The following SLC2A9 variants were observed in gnomAD, a reference collection of about 807,000 sequenced individuals.
SLC2A9 encodes the protein solute carrier family 2 member 9.
Under a neutral mutation model 50.6 loss-of-function variants are expected in SLC2A9, and 39 were observed. The observed-to-expected ratio is 0.77, with a 90% confidence interval of 0.60 to 1.01. The LOEUF (loss-of-function observed/expected upper bound fraction) is 1.01, where lower values mean the gene tolerates loss of function less well. SLC2A9 is among the 50% of genes least tolerant of loss of function. The pLI is 0.00. For synonymous variants in SLC2A9, 324 were observed against 276.9 expected (o/e 1.17, Z -1.69); for missense variants, 686 against 677.6 (o/e 1.01, Z -0.14).
intron 9 of SLC2A9, among the ~76,000 whole-genome samples, chr4:9,888,822 C>T (rs1424113167): frequency 6.6e-6 from 1 of 152,152 alleles, no homozygotes; most frequent in African/African-American, 2.4e-5. Context: ...CCTCCTTCCC[C>T]TTGTTCTATG....
intron 3 of SLC2A9, among the ~76,000 whole-genome samples, chr4:9,987,763 G>T (rs1756986482): frequency 6.6e-6 from 1 of 152,046 alleles, no homozygotes; most frequent in East Asian, 1.9e-4. Context: ...AGGAGGCAGA[G>T]ATTGCAGTGA....
At chr4:9,909,654 T>C (rs534785779) in intron 7 of SLC2A9, among the ~76,000 whole-genome samples, 1 of 152,206 alleles carries the variant, frequency 6.6e-6, no homozygotes, top group Non-Finnish European at 1.5e-5. Flanking sequence ...TGGGTGAGAA[T>C]TGTCACTCTT....
chr4:10,001,567 T>C (rs781628713), intron 2 of SLC2A9, among the ~76,000 whole-genome samples: 10 of 152,198 alleles, frequency 6.6e-5, no homozygotes, highest in Non-Finnish European at 1.3e-4. Flanking sequence ...AAGTAATATA[T>C]TGCCTAGCTT....
intron 1 of SLC2A9, among the ~76,000 whole-genome samples, chr4:9,772,825 ATT>A (rs71179491): frequency 4.1e-5 from 6 of 147,802 alleles, no homozygotes; most frequent in African/African-American, 1.5e-4. Flanking sequence ...TTTTTTTTTT[ATT>A]TTTTTTTTAT....
In SLC2A9 at chr4:9,875,401, C is replaced by A. The variant is rs532608314; in HGVS notation, c.1291+12166G>T. On this transcript the variant is annotated intron_variant, in intron 10 of 11. Coordinates refer to ENST00000264784, the MANE Select transcript of SLC2A9 (RefSeq NM_020041.3). ...GTTAGCGTCTGTCTCAGATGGGATGCTGTGTCTTTAGAAATGTCTTCTTGT... is the reference window on the plus strand; with the variant it reads ...GTTAGCGTCTGTCTCAGATGGGATGATGTGTCTTTAGAAATGTCTTCTTGT... Among the ~76,000 whole-genome samples, 12 of 152,358 alleles carry A rather than the reference C, an allele frequency of 7.9e-5. No individual in the cohort carries two copies. The South Asian group carries it at 2.5e-3, about 32-fold the overall frequency.
intron 1 of SLC2A9, among the ~76,000 whole-genome samples, chr4:10,032,063 T>C (rs1254206977): frequency 6.6e-6 from 1 of 152,238 alleles, no homozygotes; most frequent in Non-Finnish European, 1.5e-5. Flanking sequence ...AGGCCCACCC[T>C]ATTCTAGGCA....
chr4:9,807,329 T>C (rs1286241002), intron 3 of SLC2A9, among the ~76,000 whole-genome samples: 1 of 152,172 alleles, frequency 6.6e-6, no homozygotes, highest in African/African-American at 2.4e-5. Context: ...TTCTTCCTTG[T>C]TTATCTCATA....
At chr4:10,034,296 T>C (rs1764029092) in intron 1 of SLC2A9, 1 of 152,296 alleles carries the variant, frequency 6.6e-6, no homozygotes, top group Non-Finnish European at 1.5e-5. Flanking sequence ...AAGGAGCTGA[T>C]GGACACAGAG....
At position 10,011,178 on chromosome 4, in the gene SLC2A9, G is replaced by A. The variant is rs114726622; in HGVS notation, c.249+7797C>T. On this transcript the variant is annotated intron_variant, in intron 2 of 11. Coordinates refer to ENST00000264784, the MANE Select transcript of SLC2A9 (RefSeq NM_020041.3). ...AGACCTTGCATTTCTTTAGAACATT[G>A]CTTCCAGAATCTTCCTGTAGGCTCT... Among the ~76,000 whole-genome samples the A allele has an allele frequency of 4.1e-3, 629 of 152,280 alleles. 5 individuals are homozygous for A. The highest frequency in any genetic ancestry group is 0.015 in the African/African-American group (607 of 41,550).
Position 10,019,021 on chromosome 4 carries a change from G to C in SLC2A9, c.203C>G (p.Ser68Cys), listed in dbSNP as rs1289909433. Reference sequence around the variant, plus strand: ...CGACAGGTTGTAGCCGTAGAGGAAGGAGGAGCCGAAGGCGCCCGCGAGGGA... The same window carrying C: ...CGACAGGTTGTAGCCGTAGAGGAAGCAGGAGCCGAAGGCGCCCGCGAGGGA... Reference protein sequence around the residue: ...VASLAGAFGSSFLYGYNLSVV... With the variant: ...VASLAGAFGSCFLYGYNLSVV... The change falls in exon 2 of 12, where the codon TCC (serine) becomes TGC (cysteine). Residue 68 changes from serine to cysteine, a missense_variant. By Grantham distance (112) the Ser-to-Cys change is moderately radical. Coordinates refer to ENST00000264784, the MANE Select transcript of SLC2A9 (RefSeq NM_020041.3). 1 of 1,550,826 alleles carries C rather than the reference G, an allele frequency of 6.4e-7. No individual in the cohort carries two copies. Among genetic ancestry groups the C allele is most frequent in the Non-Finnish European group, 8.7e-7 (1 of 1,147,000 alleles).
At chr4:9,829,784 A>G (rs1235064575) in intron 11 of SLC2A9, among the ~76,000 whole-genome samples, 1 of 152,254 alleles carries the variant, frequency 6.6e-6, no homozygotes, top group African/African-American at 2.4e-5. Flanking sequence ...ACTGATCATT[A>G]GAGAAAGGCA....
At position 10,026,519 on chromosome 4, in the gene SLC2A9, C is replaced by T. The variant is rs188664965; in HGVS notation, c.-40-513G>A. On this transcript the variant is annotated intron_variant, in intron 1 of 12. Coordinates refer to the SLC2A9 transcript ENST00000309065. ...GCAATTCCACCACCACATCGATGCCCAAGAGGACTGAAAGCAGCTGCTCAA... is the reference window on the plus strand; with the variant it reads ...GCAATTCCACCACCACATCGATGCCTAAGAGGACTGAAAGCAGCTGCTCAA... Among the ~76,000 whole-genome samples the T allele has an allele frequency of 5.9e-5, 9 of 152,212 alleles. No homozygotes were observed. The East Asian group carries it at 1.7e-3, about 29-fold the overall frequency.
At chr4:9,968,800 T>G (rs1336408078) in intron 5 of SLC2A9, among the ~76,000 whole-genome samples, 1 of 152,202 alleles carries the variant, frequency 6.6e-6, no homozygotes, top group Non-Finnish European at 1.5e-5. Flanking sequence ...ACAAATATTT[T>G]ATATTTTATC....
chr4:9,872,924 A>G (rs1477281162), intron 10 of SLC2A9, among the ~76,000 whole-genome samples: 1 of 152,218 alleles, frequency 6.6e-6, no homozygotes, highest in Admixed American at 6.5e-5. Flanking sequence ...CAGTGCATTG[A>G]CTTTTGATGA....
chr4:10,023,828 T>G (rs79967670), upstream of SLC2A9, among the ~76,000 whole-genome samples: 6 of 152,188 alleles, frequency 3.9e-5, no homozygotes. Context: ...AGGGGGAGCA[T>G]GGAGGAGCCT....
chr4:9,920,543 C>T lies in SLC2A9; in HGVS notation c.844G>A (p.Val282Ile), dbSNP rs16890979. Residue 282 changes from valine (V) to isoleucine (I), a missense_variant, in exon 7 of 12, where the codon GTT becomes ATT. By Grantham distance (29) the Val-to-Ile change is conservative (BLOSUM62 3). Transcript: ENST00000264784. ...AFQTFLGKAD[V>I]SQEVEEVLAE... ...AGGACCTCCTCTACCTCTTGGGAAA[C>T]GTCTGCTTTACCCAAGAACGTTTGG... 370,036 of 1,613,968 alleles carry T rather than the reference C, an allele frequency of 0.23. 46,504 individuals are homozygous for T. Among genetic ancestry groups the T allele is most frequent in the African/African-American group, 0.43 (32,306 of 74,974 alleles).
chr4:9,783,881 C>G (rs1452857298), intron 3 of SLC2A9: 2 of 179,322 alleles, frequency 1.1e-5, no homozygotes, highest in African/African-American at 4.8e-5. Flanking sequence ...CACAGCTTTC[C>G]TGGGTCTGGA....
chr4:9,962,381 G>A (rs1002197551), intron 5 of SLC2A9, among the ~76,000 whole-genome samples: 1 of 152,190 alleles, frequency 6.6e-6, no homozygotes, highest in East Asian at 1.9e-4. Context: ...GGAATACTAT[G>A]CAGCCATAAA....
At chr4:9,778,340 G>C (rs1056820290), downstream of SLC2A9, among the ~76,000 whole-genome samples, 2 of 152,010 alleles carry the variant, frequency 1.3e-5, no homozygotes, top group African/African-American at 4.8e-5. Flanking sequence ...GGCTCTTCTT[G>C]AACTCCTGAC....
Sources: allele counts gnomAD v4.1 joint callset (sites outside exome capture counted in the v4.1 genomes callset), GRCh38; gene constraint gnomAD v4.1.1; transcripts MANE v1.5; gene names NCBI Gene and HGNC (gene_info 2026-07-23, HGNC 2026-07-21).